The following BCO1 variants were observed in gnomAD, a reference collection of about 807,000 sequenced individuals.
BCO1 encodes the protein beta-carotene oxygenase 1.
Under a neutral mutation model 56.3 loss-of-function variants are expected in BCO1, and 54 were observed. That is an observed-to-expected ratio of 0.96 (90% CI 0.77 to 1.20). The LOEUF is 1.20. Among genes scored for constraint, BCO1 ranks in the 50% most tolerant of loss-of-function variants. The pLI is 0.00. For missense variants in BCO1, 801 were observed against 690.9 expected, an observed-to-expected ratio of 1.16 and a Z score of -1.79; for synonymous variants, 318 against 266.1, an observed-to-expected ratio of 1.20 and a Z score of -1.90.
chr16:81,250,656 C>A (rs971571331), intron 2 of BCO1, among the ~76,000 whole-genome samples: 28 of 146,188 alleles, frequency 1.9e-4, no homozygotes, highest in African/African-American at 6.6e-4. Flanking sequence ...TCTCAGCTCA[C>A]TGCAGGCTCT....
intron 7 of BCO1, among the ~76,000 whole-genome samples, chr16:81,280,310 TACACACACACACAGACACACAC>T (rs1395109101): frequency 3.7e-5 from 1 of 26,690 alleles, no homozygotes; most frequent in Non-Finnish European, 9.5e-5. Flanking sequence ...AAAAAAAAAT[TACACACACACACAGACACACAC>T]ACACACACAC....
At chr16:81,250,784 T>A (rs1168200088) in intron 2 of BCO1, among the ~76,000 whole-genome samples, 2 of 152,112 alleles carry the variant, frequency 1.3e-5, no homozygotes, top group Non-Finnish European at 2.9e-5. Flanking sequence ...TCTCGCCATG[T>A]TGGCCAGGTT....
intron 2 of BCO1, among the ~76,000 whole-genome samples, chr16:81,257,414 G>A (rs890325575): frequency 2.0e-5 from 3 of 151,972 alleles, no homozygotes; most frequent in Admixed American, 2.0e-4. Context: ...ACAAGGGTGT[G>A]CCACCACACC....
At chr16:81,287,102 T>C (rs1463404469) in intron 9 of BCO1, among the ~76,000 whole-genome samples, 193 bp from the exon 10 acceptor site, 3 of 151,950 alleles carry the variant, frequency 2.0e-5, no homozygotes, top group Non-Finnish European at 4.4e-5. Context: ...AACAAAAAAC[T>C]GGGGGAGGAG....
chr16:81,267,860 G>A, intron 5 of BCO1, 48 bp from the exon 6 acceptor site: 1 of 1,554,770 alleles, frequency 6.4e-7, no homozygotes, highest in Non-Finnish European at 8.9e-7. Flanking sequence ...TCTTGGGGGG[G>A]CAGCCAGATC....
intron 7 of BCO1, among the ~76,000 whole-genome samples, chr16:81,276,283 C>T (rs1194658144): frequency 2.0e-5 from 3 of 152,202 alleles, no homozygotes; most frequent in East Asian, 1.9e-4. Context: ...TAGCAGGACC[C>T]GTACTCCACA....
chr16:81,287,486 C>G (rs1908253203), intron 10 of BCO1, 80 bp downstream of exon 10: 1 of 1,104,774 alleles, frequency 9.1e-7, no homozygotes, highest in African/African-American at 1.5e-5. Context: ...CTGGGGGCAG[C>G]TGACCCCCCC....
rs532152586 is a variant in BCO1 at position 81,277,617 on chromosome 16, C to T, written c.1102-3240C>T. Reference sequence around the variant, plus strand: ...TAGCTCTGAGAAAAAGAGGTCTGCTCGAATCTGCATGGAAAACCACAGCGT... The same window carrying T: ...TAGCTCTGAGAAAAAGAGGTCTGCTTGAATCTGCATGGAAAACCACAGCGT... On this transcript the variant is annotated intron_variant, in intron 7 of 10. Transcript: ENST00000258168. Among the ~76,000 whole-genome samples, 9 of 152,258 alleles carry T rather than the reference C, an allele frequency of 5.9e-5. 1 individual carries two copies. The South Asian group carries it at 1.2e-3, about 21-fold the overall frequency.
intron 1 of BCO1, among the ~76,000 whole-genome samples, chr16:81,242,155 C>T (rs946148106): frequency 3.3e-5 from 5 of 149,536 alleles, no homozygotes; most frequent in African/African-American, 1.2e-4. Context: ...CCTGGCGCCA[C>T]GATTATGTAG....
Position 81,279,411 on chromosome 16 carries a change from G to A in BCO1, c.1102-1446G>A, listed in dbSNP as rs537704716. Among the ~76,000 whole-genome samples, 3 of 152,308 alleles carry A rather than the reference G, an allele frequency of 2.0e-5. No individual in the cohort carries two copies. The East Asian group carries it at 5.8e-4, about 29-fold the overall frequency. Reference sequence around the variant, plus strand: ...AGAGCCTAACCCGTAGTCACCTCCAGTAGTGGTGGCAGCAATATAATAATA... The same window carrying A: ...AGAGCCTAACCCGTAGTCACCTCCAATAGTGGTGGCAGCAATATAATAATA... On this transcript the variant is annotated intron_variant, in intron 7 of 10. Transcript: ENST00000258168.
chr16:81,262,368 C>T (rs1906542781), intron 4 of BCO1, 85 bp downstream of exon 4: 3 of 1,466,194 alleles, frequency 2.0e-6, no homozygotes, highest in Non-Finnish European at 2.9e-6. Flanking sequence ...GCTCAGCCTG[C>T]AAGCAGCTTA....
At chr16:81,247,818 G>A (rs1231018410) in intron 2 of BCO1, among the ~76,000 whole-genome samples, 2 of 151,846 alleles carry the variant, frequency 1.3e-5, no homozygotes, top group Admixed American at 6.6e-5. Flanking sequence ...GAGCCACCAC[G>A]CCCGGCCCAT....
At chr16:81,276,468 T>G (rs1449505445) in intron 7 of BCO1, among the ~76,000 whole-genome samples, 1 of 152,154 alleles carries the variant, frequency 6.6e-6, no homozygotes, top group African/African-American at 2.4e-5. Flanking sequence ...CACAGGCCCA[T>G]GAGGTGGCCA....
At chr16:81,280,386 T>C (rs1907811618) in intron 7 of BCO1, among the ~76,000 whole-genome samples, 1 of 151,738 alleles carries the variant, frequency 6.6e-6, no homozygotes, top group Non-Finnish European at 1.5e-5. Flanking sequence ...TCCGTGTAAC[T>C]TTTTTAATGT....
chr16:81,254,202 C>G lies in BCO1; in HGVS notation c.194-5474C>G, dbSNP rs544574232. 2.0e-3 allele frequency among the ~76,000 whole-genome samples: 298 copies of G among 151,968 alleles called. 1 individual carries two copies. The highest frequency in any genetic ancestry group is 6.7e-3 in the African/African-American group (277 of 41,428). On this transcript the variant is annotated intron_variant, in intron 2 of 10. Coordinates refer to ENST00000258168, the MANE Select transcript of BCO1 (RefSeq NM_017429.3). ...GGAGTTCAATGGCACAGTCTCAGCT[C>G]ACTGCAACCTCTGCCTCCTGGGTTC... is the stretch of plus-strand genomic sequence containing the variant.
intron 7 of BCO1, among the ~76,000 whole-genome samples, chr16:81,278,905 G>C (rs1404207249): frequency 6.6e-6 from 1 of 152,216 alleles, no homozygotes; most frequent in Non-Finnish European, 1.5e-5. Flanking sequence ...TTGCGGTTCA[G>C]CTGCTAAGTT....
chr16:81,266,976 A>T (rs1174332377), intron 5 of BCO1, among the ~76,000 whole-genome samples: 1 of 152,198 alleles, frequency 6.6e-6, no homozygotes, highest in Non-Finnish European at 1.5e-5. Flanking sequence ...GTTTGCAGAT[A>T]ACTCATTATA....
At chr16:81,284,851 T>G (rs1290844781) in intron 8 of BCO1, among the ~76,000 whole-genome samples, 1 of 151,198 alleles carries the variant, frequency 6.6e-6, no homozygotes, top group Non-Finnish European at 1.5e-5. Context: ...TTTTTTTTTT[T>G]TTCGAGACAG....
In BCO1 at chr16:81,239,023, T is replaced by G. The variant is rs58067823; in HGVS notation, c.64+51T>G. 8 of 1,416,186 alleles carry G rather than the reference T, an allele frequency of 5.6e-6. No homozygotes were observed. In the East Asian group the frequency reaches 1.8e-4, roughly 32 times the overall value. The allele number at this position is 1,416,186 out of a possible 1,614,324, so 87.7% of individuals were successfully genotyped here. On this transcript the variant is annotated intron_variant, in intron 1 of 10. Transcript: ENST00000258168. ...TCTTTCTTCTATTTATTTTATTATT[T>G]TTTTTTTTTTTGAGGCGGAGTCTCG...
Sources: allele counts gnomAD v4.1 joint callset (sites outside exome capture counted in the v4.1 genomes callset), GRCh38; gene constraint gnomAD v4.1.1; transcripts MANE v1.5; gene names NCBI Gene and HGNC (gene_info 2026-07-23, HGNC 2026-07-21).